ABCA1: variants seen among roughly 807,000 people sequenced by gnomAD.
The protein encoded by ABCA1 is phospholipid-transporting ATPase ABCA1.
Under a neutral mutation model 262.5 loss-of-function variants are expected in ABCA1, and 133 were observed. That is an observed-to-expected ratio of 0.51 (90% CI 0.44 to 0.59). ABCA1 has a LOEUF of 0.59. Among genes scored for constraint, ABCA1 ranks in the 20% least tolerant of loss-of-function variants. The pLI is 0.00. For synonymous variants in ABCA1, 1,022 were observed against 1,043.5 expected, an observed-to-expected ratio of 0.98 and a Z score of 0.40; for missense variants, 2,452 against 2,777.5, an observed-to-expected ratio of 0.88 and a Z score of 2.63.
chr9:104,861,864 A>C, intron 5 of ABCA1, 64 bp from the exon 6 acceptor site: 2 of 1,422,568 alleles, frequency 1.4e-6, no homozygotes. Context: ...AAAAGTGGGC[A>C]CAATGGGACA....
chr9:104,820,749 A>C (rs1448842443), intron 20 of ABCA1, among the ~76,000 whole-genome samples: 2 of 148,266 alleles, frequency 1.3e-5, no homozygotes, highest in African/African-American at 5.1e-5. Flanking sequence ...TCCAGGCCTC[A>C]ATAAGGAGGG....
intron 5 of ABCA1, among the ~76,000 whole-genome samples, chr9:104,870,040 T>C (rs28714441): frequency 0.035 from 5,405 of 152,282 alleles, 356 homozygotes; most frequent in African/African-American, 0.12. Flanking sequence ...AAGTCATAGA[T>C]GACAAGCTGT....
intron 3 of ABCA1, among the ~76,000 whole-genome samples, chr9:104,887,165 C>G (rs763311111): frequency 5.3e-5 from 8 of 152,166 alleles, no homozygotes; most frequent in Middle Eastern, 3.2e-3. Context: ...GTAGTCTCAG[C>G]TATTTGGGAG....
At chr9:104,879,139 A>G (rs1838408545) in intron 5 of ABCA1, among the ~76,000 whole-genome samples, 1 of 152,120 alleles carries the variant, frequency 6.6e-6, no homozygotes, top group African/African-American at 2.4e-5. Context: ...AGTCTCCTCC[A>G]CTAAGATCAG....
At chr9:104,800,919 G>A (rs535060087) in intron 34 of ABCA1, among the ~76,000 whole-genome samples, 8 of 152,078 alleles carry the variant, frequency 5.3e-5, no homozygotes, top group African/African-American at 1.7e-4. Context: ...CCAGAACCAC[G>A]CTCTGCCTGC....
rs1002165626 is a variant in ABCA1 at position 104,816,282 on chromosome 9, A to G, written c.3599T>C (p.Ile1200Thr). The G allele has an allele frequency of 8.1e-6, 13 of 1,613,986 alleles. No homozygotes were observed. Among genetic ancestry groups the G allele is most frequent in the African/African-American group, 4.0e-5 (3 of 74,902 alleles). Residue 1200 changes from isoleucine to threonine, a missense_variant, in exon 25 of 50, where the codon ATA (isoleucine) becomes ACA (threonine). This residue lies in a region of ABCA1 where 665 missense variants were observed against 727.3 expected (regional missense o/e 0.91). Coordinates refer to ENST00000374736, the MANE Select transcript of ABCA1 (RefSeq NM_005502.4). ...CAGCACATAGGTCAGCTCATGCCCT[A>G]TGTCTTCCACCAGCCGGGCTTCAGA... ...HVSEARLVEDIGHELTYVLPY... is the reference protein window; with the variant it reads ...HVSEARLVEDTGHELTYVLPY...
intron 5 of ABCA1, among the ~76,000 whole-genome samples, chr9:104,876,632 C>G (rs1287315199): frequency 6.6e-6 from 1 of 152,212 alleles, no homozygotes; most frequent in Non-Finnish European, 1.5e-5. Flanking sequence ...AGGAAATACA[C>G]AGTAAAAATA....
chr9:104,898,704 G>A (rs2118400897), intron 2 of ABCA1, among the ~76,000 whole-genome samples: 1 of 152,102 alleles, frequency 6.6e-6, no homozygotes, highest in East Asian at 1.9e-4. Flanking sequence ...AGTGCCACTG[G>A]CTTTCTTCTG....
At chr9:104,829,943 TACACACAC>T (rs59055896) in intron 14 of ABCA1, among the ~76,000 whole-genome samples, 4,721 of 140,866 alleles carry the variant, frequency 0.034, 171 homozygotes, top group African/African-American at 0.092. Context: ...TCCTGATCCC[TACACACAC>T]ACACACACAC....
chr9:104,798,602 G>A lies in ABCA1; in HGVS notation c.4944-4C>T, dbSNP rs765725585. The A allele has an allele frequency of 6.2e-7, 1 of 1,613,762 alleles. No individual in the cohort carries two copies. The highest frequency in any genetic ancestry group is 8.5e-7 in the Non-Finnish European group (1 of 1,179,876). On this transcript the variant is annotated splice_region_variant and splice_polypyrimidine_tract_variant and intron_variant, in intron 36 of 49. Transcript: ENST00000374736. ...GACATCCACTGATGTGGTCATCCTGGAGAGAAAAAGCGTGTGAAAATCTGA... is the reference window on the plus strand; with the variant it reads ...GACATCCACTGATGTGGTCATCCTGAAGAGAAAAAGCGTGTGAAAATCTGA...
At chr9:104,792,720 G>A (rs933970153) in intron 42 of ABCA1, 66 bp downstream of exon 42, 1 of 1,609,776 alleles carries the variant, frequency 6.2e-7, no homozygotes, top group South Asian at 1.1e-5. Flanking sequence ...TCAGCAAACT[G>A]CTGGGTTACA....
At chr9:104,826,864 G>C (rs905285016) in intron 16 of ABCA1, 84 bp downstream of exon 16, 3 of 1,282,140 alleles carry the variant, frequency 2.3e-6, no homozygotes, top group Non-Finnish European at 1.1e-6. Context: ...ATCATCTTCT[G>C]TTCTCAACTT....
chr9:104,791,094 G>A, intron 43 of ABCA1, 66 bp from the exon 44 acceptor site: 4 of 1,086,588 alleles, frequency 3.7e-6, no homozygotes, highest in African/African-American at 3.1e-5. Flanking sequence ...CCCCTAACAC[G>A]TAACTACCTC....
At chr9:104,876,170 A>T (rs1381663178) in intron 5 of ABCA1, among the ~76,000 whole-genome samples, 1 of 152,216 alleles carries the variant, frequency 6.6e-6, no homozygotes, top group Non-Finnish European at 1.5e-5. Flanking sequence ...AAAAAGATGG[A>T]GAACTTCCCC....
At chr9:104,861,987 TGGTAACATGTTGA>T (rs1180062408) in intron 5 of ABCA1, among the ~76,000 whole-genome samples, 187 bp from the exon 6 acceptor site, 6 of 151,996 alleles carry the variant, frequency 3.9e-5, no homozygotes, top group Non-Finnish European at 8.8e-5. Context: ...TATTGCTTTC[TGGTAACATGTTGA>T]GCCACACTCA....
At chr9:104,916,856 C>G (rs1298734388) in intron 1 of ABCA1, among the ~76,000 whole-genome samples, 1 of 137,668 alleles carries the variant, frequency 7.3e-6, no homozygotes, top group Non-Finnish European at 1.6e-5. Flanking sequence ...GAAAATATGT[C>G]TTTTTGATGA....
chr9:104,792,864 T>A lies in ABCA1; in HGVS notation c.5679A>T (p.Glu1893Asp). ...TTCTCTGTCTTTCCCGCCTCACATC[T>A]TCATCTTCATCATTCAGAGGAGATA... ...AKLSPLNDEDEDVRRERQRIL... is the reference protein window; with the variant it reads ...AKLSPLNDEDDDVRRERQRIL... The change falls in exon 42 of 50, where the codon GAA becomes GAT. Residue 1893 changes from glutamate (E) to aspartate (D), a missense_variant. Around this residue, in one of 4 missense-constraint regions of ABCA1, gnomAD observed 752 missense variants for 944.5 expected, o/e 0.80. Coordinates refer to ENST00000374736, the MANE Select transcript of ABCA1 (RefSeq NM_005502.4). The A allele has an allele frequency of 6.2e-7, 1 of 1,614,084 alleles. No homozygotes were observed. Among genetic ancestry groups the A allele is most frequent in the South Asian group, 1.1e-5 (1 of 91,086 alleles).
Position 104,863,267 on chromosome 9 carries a change from A to G in ABCA1, c.422-1467T>C, listed in dbSNP as rs756346357. ...AGGAGCCCTATGACTCCGAAACAGTATAGTTTTCCCTGACTCATCTCATTT... is the reference window on the plus strand; with the variant it reads ...AGGAGCCCTATGACTCCGAAACAGTGTAGTTTTCCCTGACTCATCTCATTT... On this transcript the variant is annotated intron_variant, in intron 5 of 49. Transcript: ENST00000374736. Among the ~76,000 whole-genome samples the G allele has an allele frequency of 1.1e-4, 16 of 152,292 alleles. 1 individual carries two copies. In the South Asian group the frequency reaches 2.1e-3, roughly 20 times the overall value.
chr9:104,825,785 C>T lies in ABCA1; in HGVS notation c.2440G>A (p.Val814Met), dbSNP rs779578964. The T allele has an allele frequency of 1.2e-6, 2 of 1,614,226 alleles. No individual in the cohort carries two copies. Among genetic ancestry groups the T allele is most frequent in the Admixed American group, 1.7e-5 (1 of 60,030 alleles). The change falls in exon 17 of 50, where the codon GTG becomes ATG. Residue 814 changes from valine (V) to methionine (M), a missense_variant. Val to Met is a conservative substitution (Grantham distance 21). This residue lies in a region of ABCA1 where 1,032 missense variants were observed against 1,089.7 expected (regional missense o/e 0.95). Transcript: ENST00000374736. ...GTGAGATTGAAGCCATCTTCCTCCA[C>T]AGGACTCTCAAACAGGTTGTCCCAC... is the stretch of plus-strand genomic sequence containing the variant. Reference protein sequence around the residue: ...VQWDNLFESPVEEDGFNLTTS... With the variant: ...VQWDNLFESPMEEDGFNLTTS...
Sources: gnomAD v4.1 joint callset for allele counts (sites outside exome capture counted in the v4.1 genomes callset) on GRCh38, gnomAD v4.1.1 for gene constraint, gnomAD v4.1.1 regional missense constraint, MANE v1.5 for transcripts, NCBI Gene and HGNC (gene_info 2026-07-23, HGNC 2026-07-21) for gene names.